The following AK9 variants were observed in gnomAD, a reference collection of about 807,000 sequenced individuals.
AK9 encodes adenylate kinase domain containing 1.
Under a neutral mutation model 239.6 loss-of-function variants are expected in AK9, and 191 were observed. The ratio of observed to expected loss-of-function variants is 0.80; its 90% CI spans 0.71 to 0.90. AK9 has a LOEUF of 0.90. AK9 is among the 40% of genes least tolerant of loss of function. The probability of loss-of-function intolerance (pLI) is 0.00; values close to 1 mark genes in which losing one functional copy is unlikely to be tolerated. For synonymous variants in AK9, 689 were observed against 721.0 expected, an observed-to-expected ratio of 0.96 and a Z score of 0.71; for missense variants, 1,995 against 2,214.7, an observed-to-expected ratio of 0.90 and a Z score of 1.99.
intron 8 of AK9, among the ~76,000 whole-genome samples, chr6:109,653,672 ATT>A (rs71721169): frequency 1.2e-5 from 1 of 85,068 alleles, no homozygotes; most frequent in African/African-American, 3.1e-5. Flanking sequence ...TCTTGTTTAG[ATT>A]TTTTTTTTTT....
intron 16 of AK9, among the ~76,000 whole-genome samples, chr6:109,611,688 C>T (rs1455921841): frequency 1.3e-5 from 2 of 152,222 alleles, no homozygotes; most frequent in East Asian, 3.9e-4. Context: ...CTGCTAGGTA[C>T]ACTGATGTGA....
chr6:109,560,212 A>G (rs1427057955), intron 24 of AK9, among the ~76,000 whole-genome samples: 1 of 152,232 alleles, frequency 6.6e-6, no homozygotes, highest in Non-Finnish European at 1.5e-5. Flanking sequence ...AGAAAATCTT[A>G]TCTCCTACAT....
At chr6:109,523,838 G>A (rs1322356509) in intron 29 of AK9, among the ~76,000 whole-genome samples, 2 of 152,154 alleles carry the variant, frequency 1.3e-5, no homozygotes, top group Admixed American at 1.3e-4. Flanking sequence ...GCCATTCATT[G>A]CAGGCATGAC....
chr6:109,500,100 T>G (rs1375772706), intron 35 of AK9, among the ~76,000 whole-genome samples: 2 of 146,446 alleles, frequency 1.4e-5, no homozygotes, highest in Admixed American at 1.4e-4. Flanking sequence ...ACCCGCACAT[T>G]TATAAACTTG....
chr6:109,665,377 T>A (rs1236219907), intron 5 of AK9, among the ~76,000 whole-genome samples: 1 of 152,214 alleles, frequency 6.6e-6, no homozygotes, highest in African/African-American at 2.4e-5. Context: ...TGGAGGTTCA[T>A]TAAATTAGCT....
intron 1 of AK9, among the ~76,000 whole-genome samples, chr6:109,686,231 G>A (rs562554630): frequency 1.8e-4 from 27 of 152,238 alleles, no homozygotes; most frequent in East Asian, 3.9e-4. Flanking sequence ...CAAGTGTCCC[G>A]GATCCCCTTA....
intron 10 of AK9, among the ~76,000 whole-genome samples, chr6:109,640,763 T>C: frequency 6.6e-6 from 1 of 152,072 alleles, no homozygotes; most frequent in East Asian, 1.9e-4. Flanking sequence ...CTTCTCAGAA[T>C]AGGTCAAATT....
chr6:109,568,534 C>T (rs1302244094), intron 21 of AK9, among the ~76,000 whole-genome samples: 5 of 152,232 alleles, frequency 3.3e-5, no homozygotes, highest in South Asian at 4.1e-4. Flanking sequence ...AAAACCCCAT[C>T]GTCTCAGCCC....
intron 21 of AK9, 122 bp from the exon 22 acceptor site, chr6:109,564,967 G>A (rs1786276352): frequency 1.9e-5 from 12 of 629,518 alleles, no homozygotes; most frequent in East Asian, 3.2e-5. Flanking sequence ...CTAATAGAAA[G>A]CAAAGTTCTT....
At position 109,588,163 on chromosome 6, in the gene AK9, C is replaced by T. The variant is rs537540184; in HGVS notation, c.1843-2091G>A. 2.7e-3 allele frequency among the ~76,000 whole-genome samples: 417 copies of T among 152,028 alleles called. 2 individuals are homozygous for T. The highest frequency in any genetic ancestry group is 4.9e-3 in the Non-Finnish European group (333 of 67,946). On this transcript the variant is annotated intron_variant, in intron 17 of 40. Coordinates refer to ENST00000424296, the MANE Select transcript of AK9 (RefSeq NM_001145128.3). ...TCGACTCACTGCAAGCTCCGCCTCC[C>T]GGGTTCACGCCATTCTCCTGCCTCA...
intron 2 of AK9, 136 bp from the exon 3 acceptor site, chr6:109,674,397 T>A: frequency 6.8e-6 from 4 of 583,946 alleles, no homozygotes; most frequent in Non-Finnish European, 1.2e-5. Flanking sequence ...AAATGAAGAA[T>A]AGACCCTAGA....
chr6:109,602,469 G>T (rs147643799), intron 17 of AK9, among the ~76,000 whole-genome samples: 12,964 of 152,084 alleles, frequency 0.085, 883 homozygotes, highest in African/African-American at 0.19. Flanking sequence ...GCTTCTCTTT[G>T]TGGGTAACCC....
rs60500211 is a variant in AK9 at position 109,684,873 on chromosome 6, C to CA, written c.-12+6273dup. 1.5e-3 allele frequency among the ~76,000 whole-genome samples: 32 copies of CA among 21,870 alleles called. 9 individuals are homozygous for CA. The highest frequency in any genetic ancestry group is 2.5e-3 in the Non-Finnish European group (31 of 12,500). 14.3% of individuals were successfully genotyped at this position (21,870 alleles called of 152,430 possible). ...TGGGCGACAGAGTGAGACTCCGTCT[C>CA]AAAAAAAAAAAAAAAAAAAAAAAAA... On this transcript the variant is annotated intron_variant, in intron 1 of 40. Transcript: ENST00000424296.
At chr6:109,571,573 T>G (rs1787415987) in intron 21 of AK9, among the ~76,000 whole-genome samples, 1 of 152,282 alleles carries the variant, frequency 6.6e-6, no homozygotes, top group Non-Finnish European at 1.5e-5. Context: ...TCAATGATGA[T>G]TTCCCCCATC....
chr6:109,619,067 C>T, intron 13 of AK9, 25 bp downstream of exon 13: 1 of 1,525,568 alleles, frequency 6.6e-7, no homozygotes, highest in Non-Finnish European at 8.8e-7. Context: ...AAACTTAAAA[C>T]ACACATTTTA....
chr6:109,545,509 T>G (rs1378513795), intron 26 of AK9, among the ~76,000 whole-genome samples: 1 of 152,088 alleles, frequency 6.6e-6, no homozygotes, highest in African/African-American at 2.4e-5. Flanking sequence ...AACGGGGAGT[T>G]TCCCTGCACA....
At chr6:109,602,833 C>G (rs542410267) in intron 17 of AK9, among the ~76,000 whole-genome samples, 1 of 152,152 alleles carries the variant, frequency 6.6e-6, no homozygotes, top group Non-Finnish European at 1.5e-5. Context: ...GATCTTTAAT[C>G]ACTGATACCC....
chr6:109,513,057 G>T (rs1191587418), intron 32 of AK9, among the ~76,000 whole-genome samples: 1 of 152,046 alleles, frequency 6.6e-6, no homozygotes, highest in South Asian at 2.1e-4. Flanking sequence ...TGGATATGAG[G>T]TCTCACTATG....
At chr6:109,500,637 A>G (rs1484039062) in intron 35 of AK9, among the ~76,000 whole-genome samples, 5 of 152,198 alleles carry the variant, frequency 3.3e-5, no homozygotes, top group African/African-American at 9.7e-5. Flanking sequence ...CTCATCTGCA[A>G]TGTACTATTA....
Sources: allele counts gnomAD v4.1 joint callset (sites outside exome capture counted in the v4.1 genomes callset), GRCh38; gene constraint gnomAD v4.1.1; transcripts MANE v1.5; gene names NCBI Gene and HGNC (gene_info 2026-07-23, HGNC 2026-07-21).